Variants in ABCD2 observed in about 807,000 individuals in gnomAD.
The protein encoded by ABCD2 is ATP binding cassette subfamily D member 2, also known as ATP-binding cassette sub-family D member 2.
A neutral mutation model predicts 70.9 loss-of-function variants in ABCD2; 36 were observed. The ratio of observed to expected loss-of-function variants is 0.51; its 90% CI spans 0.39 to 0.67. ABCD2 has a LOEUF of 0.67. ABCD2 is among the 30% of genes least tolerant of loss of function. ABCD2 has a pLI of 0.00. For synonymous variants in ABCD2, 304 were observed against 306.9 expected (o/e 0.99, Z 0.10); for missense variants, 729 against 890.2 (o/e 0.82, Z 2.30).
At chr12:39,557,190 A>G (rs1336719987) in intron 9 of ABCD2, among the ~76,000 whole-genome samples, 2 of 152,144 alleles carry the variant, frequency 1.3e-5, no homozygotes, top group East Asian at 3.9e-4. Flanking sequence ...GATGAAGATG[A>G]GAATCTTCTT....
intron 5 of ABCD2, among the ~76,000 whole-genome samples, chr12:39,602,999 G>C (rs889843160): frequency 1.3e-5 from 2 of 152,006 alleles, no homozygotes; most frequent in African/African-American, 4.8e-5. Flanking sequence ...GTCTATATGT[G>C]GAAAAATAAA....
At chr12:39,618,334 G>T (rs1408910130) in intron 1 of ABCD2, among the ~76,000 whole-genome samples, 1 of 151,968 alleles carries the variant, frequency 6.6e-6, no homozygotes, top group African/African-American at 2.4e-5. Flanking sequence ...TTTTCTTCTG[G>T]TAGGTGCTTT....
rs559438955 is a variant in ABCD2, at chr12:39,582,507, T to C, written c.1793-2888A>G. On this transcript the variant is annotated intron_variant, in intron 7 of 9. Transcript: ENST00000308666. The stretch of plus-strand genomic sequence containing the variant: ...AGAGTTCTAGACCTTCCTGATGACT[T>C]CCAAAAGAATAGAATATTTCATGTT... Among the ~76,000 whole-genome samples, 4 of 152,286 alleles carry C rather than the reference T, an allele frequency of 2.6e-5. No individual in the cohort carries two copies. In the South Asian group the frequency reaches 8.3e-4, roughly 32 times the overall value.
At chr12:39,547,399 A>G (rs1941035796), downstream of ABCD2, among the ~76,000 whole-genome samples, 2 of 152,194 alleles carry the variant, frequency 1.3e-5, no homozygotes, top group Non-Finnish European at 2.9e-5. Context: ...AGCACTATTC[A>G]CAATAGCCAA....
the ABCD2 span, among the ~76,000 whole-genome samples, chr12:39,539,068 A>G: frequency 6.6e-6 from 1 of 152,172 alleles, no homozygotes; most frequent in African/African-American, 2.4e-5. Context: ...TCAGGGTTCG[A>G]ACTTACACAA....
intron 9 of ABCD2, among the ~76,000 whole-genome samples, chr12:39,565,257 A>G (rs1009836078): frequency 6.6e-6 from 1 of 152,190 alleles, no homozygotes; most frequent in Admixed American, 6.5e-5. Context: ...CTTCCTACCC[A>G]TGAGCATGGA....
At chr12:39,593,660 G>T (rs1044248260) in intron 6 of ABCD2, among the ~76,000 whole-genome samples, 2 of 152,134 alleles carry the variant, frequency 1.3e-5, no homozygotes, top group Non-Finnish European at 2.9e-5. Flanking sequence ...AGCCCTTTCT[G>T]CAGAACTTCT....
downstream of ABCD2, among the ~76,000 whole-genome samples, chr12:39,547,563 A>G (rs1207387505): frequency 6.6e-6 from 1 of 152,136 alleles, no homozygotes; most frequent in African/African-American, 2.4e-5. Flanking sequence ...AGCCAGTCAC[A>G]AAAAAGCAAA....
chr12:39,587,411 T>C (rs1941680772), intron 6 of ABCD2, among the ~76,000 whole-genome samples: 2 of 152,218 alleles, frequency 1.3e-5, no homozygotes, highest in African/African-American at 4.8e-5. Flanking sequence ...TTTAGCATTA[T>C]GCCTGATGTC....
chr12:39,604,897 A>C lies in ABCD2; in HGVS notation c.1270T>G (p.Tyr424Asp). Residue 424 changes from tyrosine to aspartate, a missense_variant, in exon 4 of 10, where the codon TAC becomes GAC. By Grantham distance (160) the Tyr-to-Asp change is radical. This residue lies in a region of ABCD2 where 195 missense variants were observed against 300.2 expected (regional missense o/e 0.65). Coordinates refer to ENST00000308666, the MANE Select transcript of ABCD2 (RefSeq NM_005164.4). ...TCATCAAAGACCCAAAACATATTGT[A>C]CACTCGAGCAGTGTAGCCTGCTAAT... is the stretch of plus-strand genomic sequence containing the variant. Reference protein sequence around the residue: ...TELAGYTARVYNMFWVFDEVK... With the variant: ...TELAGYTARVDNMFWVFDEVK... The C allele has an allele frequency of 6.2e-7, 1 of 1,611,264 alleles. No individual in the cohort carries two copies. Among genetic ancestry groups the C allele is most frequent in the African/African-American group, 1.3e-5 (1 of 74,952 alleles).
the ABCD2 span, among the ~76,000 whole-genome samples, chr12:39,534,879 GGAAGGAAAGAAA>G: frequency 2.2e-4 from 25 of 111,218 alleles, no homozygotes; most frequent in East Asian, 3.5e-3. Flanking sequence ...AAGGAAGGAA[GGAAGGAAAGAAA>G]GAAAGAAAGA....
chr12:39,618,484 C>T (rs1566595023), intron 1 of ABCD2, among the ~76,000 whole-genome samples, 193 bp downstream of exon 1: 1 of 152,064 alleles, frequency 6.6e-6, no homozygotes, highest in Non-Finnish European at 1.5e-5. Flanking sequence ...GAAAAGTTTG[C>T]ACCCTATAAT....
At chr12:39,541,769 G>A in the ABCD2 span, among the ~76,000 whole-genome samples, 1 of 152,174 alleles carries the variant, frequency 6.6e-6, no homozygotes, top group Non-Finnish European at 1.5e-5. Flanking sequence ...ATCAAGAGTA[G>A]AGTGAATAAA....
intron 9 of ABCD2, among the ~76,000 whole-genome samples, chr12:39,567,333 T>C (rs1216405018): frequency 1.3e-5 from 2 of 152,230 alleles, no homozygotes; most frequent in African/African-American, 4.8e-5. Flanking sequence ...GGTGCATATA[T>C]ATTTAGGATA....
intron 9 of ABCD2, among the ~76,000 whole-genome samples, chr12:39,560,934 G>A (rs1055455502): frequency 6.6e-6 from 1 of 151,900 alleles, no homozygotes; most frequent in Non-Finnish European, 1.5e-5. Flanking sequence ...AGGAATCAAA[G>A]CATATTACTA....
At position 39,558,496 on chromosome 12, in the gene ABCD2, A is replaced by G. The variant is rs944994595; in HGVS notation, c.2004-4365T>C. Among the ~76,000 whole-genome samples, 4 of 152,326 alleles carry G rather than the reference A, an allele frequency of 2.6e-5. No homozygotes were observed. In the East Asian group the frequency reaches 5.8e-4, roughly 22 times the overall value. On this transcript the variant is annotated intron_variant, in intron 9 of 9. Coordinates refer to ENST00000308666, the MANE Select transcript of ABCD2 (RefSeq NM_005164.4). ...TTGAATTGTATTCCCCAAAATCTCC[A>G]CGTGTCAAGGGAAAGACCAGGTGGA...
intron 9 of ABCD2, 59 bp from the exon 10 acceptor site, chr12:39,554,190 G>A (rs1011489376): frequency 4.2e-5 from 63 of 1,508,868 alleles, no homozygotes; most frequent in Non-Finnish European, 5.0e-5. Flanking sequence ...CATTTTAGTT[G>A]TAGGTTTATC....
intron 3 of ABCD2, among the ~76,000 whole-genome samples, chr12:39,606,826 G>C (rs1373613825): frequency 6.6e-6 from 1 of 152,154 alleles, no homozygotes; most frequent in African/African-American, 2.4e-5. Flanking sequence ...CCTTGGCCCT[G>C]TGGTATCTGC....
At chr12:39,588,843 A>G (rs1265750923) in intron 6 of ABCD2, among the ~76,000 whole-genome samples, 1 of 152,218 alleles carries the variant, frequency 6.6e-6, no homozygotes, top group Admixed American at 6.5e-5. Flanking sequence ...CTTTCGAATA[A>G]AAGAAACTAT....
Sources: gnomAD v4.1 joint callset for allele counts (sites outside exome capture counted in the v4.1 genomes callset) on GRCh38, gnomAD v4.1.1 for gene constraint, gnomAD v4.1.1 regional missense constraint, MANE v1.5 for transcripts, NCBI Gene and HGNC (gene_info 2026-07-23, HGNC 2026-07-21) for gene names.